The following SLC4A5 variants were observed in gnomAD, a reference collection of about 807,000 sequenced individuals.
SLC4A5 encodes the protein electrogenic sodium bicarbonate cotransporter 4.
A neutral mutation model predicts 120.4 loss-of-function variants in SLC4A5; 96 were observed. That is an observed-to-expected ratio of 0.80 (90% confidence interval 0.68 to 0.94). SLC4A5 has a LOEUF of 0.94. SLC4A5 is among the 40% of genes least tolerant of loss of function. The pLI is 0.00. For synonymous variants in SLC4A5, 550 were observed against 571.1 expected (o/e 0.96, Z 0.53); for missense variants, 1,259 against 1,459.5 (o/e 0.86, Z 2.24).
intron 19 of SLC4A5, among the ~76,000 whole-genome samples, chr2:74,244,352 G>C (rs1670539023): frequency 6.6e-6 from 1 of 152,062 alleles, no homozygotes; most frequent in East Asian, 1.9e-4. Context: ...CCCTACTCCA[G>C]AGTTCTTTCG....
chr2:74,224,949 G>A (rs145427733), exon 28 of SLC4A5: 1 of 1,614,102 alleles, frequency 6.2e-7, no homozygotes, highest in South Asian at 1.1e-5. Context: ...GTCGTGCTGG[G>A]AAAAGATGAA....
At chr2:74,303,598 C>T (rs1558904323) in intron 7 of SLC4A5, among the ~76,000 whole-genome samples, 1 of 152,044 alleles carries the variant, frequency 6.6e-6, no homozygotes, top group Non-Finnish European at 1.5e-5. Flanking sequence ...ATTTTCTTTC[C>T]ATAGGAAAGA....
intron 5 of SLC4A5, among the ~76,000 whole-genome samples, chr2:74,323,582 G>C (rs1673145475): frequency 6.6e-6 from 1 of 151,930 alleles, no homozygotes; most frequent in Non-Finnish European, 1.5e-5. Flanking sequence ...GCCACTCAGG[G>C]AAAAAATGAA....
At chr2:74,336,016 A>G (rs1176340206) in intron 3 of SLC4A5, among the ~76,000 whole-genome samples, 2 of 152,188 alleles carry the variant, frequency 1.3e-5, no homozygotes, top group African/African-American at 2.4e-5. Context: ...ACAGCTTTAC[A>G]TACCTTACCT....
chr2:74,257,331 G>T (rs1339608451), intron 12 of SLC4A5, among the ~76,000 whole-genome samples: 7 of 152,112 alleles, frequency 4.6e-5, no homozygotes, highest in Non-Finnish European at 1.0e-4. Flanking sequence ...AGCAGGAATT[G>T]ACAGGAACAC....
At chr2:74,290,604 G>A (rs1287586342) in intron 7 of SLC4A5, 5 of 971,904 alleles carry the variant, frequency 5.1e-6, no homozygotes, top group Admixed American at 6.4e-5. Flanking sequence ...GAGAGAGACA[G>A]AGAGAGAGAC....
At chr2:74,306,599 G>C (rs1460453218) in intron 6 of SLC4A5, 6 of 348,828 alleles carry the variant, frequency 1.7e-5, no homozygotes, top group African/African-American at 1.3e-4. Context: ...CTTTCAACTA[G>C]CAATATACAT....
chr2:74,262,264 G>T, intron 10 of SLC4A5, 32 bp from the exon 11 acceptor site: 1 of 1,599,626 alleles, frequency 6.3e-7, no homozygotes, highest in South Asian at 1.1e-5. Context: ...ACTTGGCTTC[G>T]ACAGCCTTGC....
chr2:74,321,063 T>G (rs1161651268), intron 5 of SLC4A5, among the ~76,000 whole-genome samples: 6 of 152,206 alleles, frequency 3.9e-5, no homozygotes, highest in Admixed American at 3.3e-4. Flanking sequence ...TGGTGTCCAT[T>G]TTTAGTGATC....
At chr2:74,227,559 C>G in intron 26 of SLC4A5, 8 of 1,610,682 alleles carry the variant, frequency 5.0e-6, no homozygotes, top group Non-Finnish European at 5.9e-6. Context: ...ACCCTCCGGT[C>G]CCCATCTGTA....
chr2:74,329,341 G>A (rs1390575797), intron 4 of SLC4A5, among the ~76,000 whole-genome samples: 3 of 152,132 alleles, frequency 2.0e-5, no homozygotes, highest in East Asian at 1.9e-4. Flanking sequence ...CGTAATCCCA[G>A]CACTTTGGGA....
intron 26 of SLC4A5, chr2:74,227,384 G>C: frequency 1.5e-6 from 2 of 1,323,588 alleles, no homozygotes; most frequent in South Asian, 2.8e-5. Flanking sequence ...CATATTCAGG[G>C]AAAGTGCAAG....
At chr2:74,285,981 G>A (rs1487712946) in intron 7 of SLC4A5, 79 bp from the exon 8 acceptor site, 1 of 1,455,978 alleles carries the variant, frequency 6.9e-7, no homozygotes, top group Non-Finnish European at 9.1e-7. Context: ...AATGGAGTAG[G>A]AGGCAAGCAC....
intron 7 of SLC4A5, among the ~76,000 whole-genome samples, chr2:74,304,147 C>T (rs1672562179): frequency 6.6e-6 from 1 of 152,182 alleles, no homozygotes; most frequent in Admixed American, 6.5e-5. Flanking sequence ...CCGCGCCCGG[C>T]CGCATGTCCA....
chr2:74,238,019 T>C lies in SLC4A5; in HGVS notation c.2319+1316A>G, dbSNP rs192114954. ...TGGGAGGCTGAGGCAGGAGAATCAC[T>C]TGAACCCGGGAGGCGGAGGTTGCAG... On this transcript the variant is annotated intron_variant, in intron 21 of 30. Coordinates refer to ENST00000394019, the Ensembl canonical transcript of SLC4A5. Among the ~76,000 whole-genome samples the C allele has an allele frequency of 3.3e-3, 497 of 152,176 alleles. 2 individuals are homozygous for C. Among genetic ancestry groups the C allele is most frequent in the African/African-American group, 0.011 (465 of 41,518 alleles).
rs764531322 is a variant in SLC4A5 at position 74,232,664 on chromosome 2, G to T, written c.2596-17C>A. On this transcript the variant is annotated splice_polypyrimidine_tract_variant and intron_variant, in intron 23 of 30. Transcript: ENST00000394019. ...GGCAGCCTTCTGCAGGAGCGGGGTT[G>T]GGGGAGGGAGAAGTTTCTGGGGAGC... 6.2e-7 allele frequency: 1 copy of T among 1,608,696 alleles called. No homozygotes were observed. The highest frequency in any genetic ancestry group is 1.7e-5 in the Admixed American group (1 of 58,018).
intron 8 of SLC4A5, among the ~76,000 whole-genome samples, chr2:74,275,541 C>T (rs1246355252): frequency 2.6e-5 from 4 of 152,180 alleles, no homozygotes; most frequent in African/African-American, 9.7e-5. Context: ...CTCACCTAGG[C>T]ACTCTCTTCC....
chr2:74,256,311 G>T (rs983692104), intron 12 of SLC4A5, among the ~76,000 whole-genome samples: 4 of 152,210 alleles, frequency 2.6e-5, no homozygotes, highest in African/African-American at 9.6e-5. Context: ...TTCTACCTCA[G>T]CCACCCAGAC....
chr2:74,342,193 C>T (rs1315887951), intron 2 of SLC4A5, among the ~76,000 whole-genome samples: 2 of 152,226 alleles, frequency 1.3e-5, no homozygotes, highest in Non-Finnish European at 2.9e-5. Context: ...AGAACACACT[C>T]TACTATCTGT....
Sources: gnomAD v4.1 joint callset for allele counts (sites outside exome capture counted in the v4.1 genomes callset) on GRCh38, gnomAD v4.1.1 for gene constraint, MANE v1.5 for transcripts, NCBI Gene and HGNC (gene_info 2026-07-23, HGNC 2026-07-21) for gene names.